Variants in SLCO6A1 observed in about 807,000 individuals in gnomAD.
The protein encoded by SLCO6A1 is solute carrier organic anion transporter family member 6A1, also known as cancer/testis antigen 48.
Under a neutral mutation model 72.7 loss-of-function variants are expected in SLCO6A1, and 65 were observed. That is an observed-to-expected ratio of 0.89 (90% confidence interval 0.73 to 1.10). The LOEUF is 1.10. SLCO6A1 is among the 50% of genes least tolerant of loss of function. The pLI is 0.00. For synonymous variants in SLCO6A1, 314 were observed against 298.2 expected, an observed-to-expected ratio of 1.05 and a Z score of -0.55; for missense variants, 874 against 872.6, an observed-to-expected ratio of 1.00 and a Z score of -0.02.
At chr5:102,407,248 C>A (rs1747722020) in intron 9 of SLCO6A1, among the ~76,000 whole-genome samples, 1 of 152,144 alleles carries the variant, frequency 6.6e-6, no homozygotes, top group Non-Finnish European at 1.5e-5. Context: ...CCCAGTTACC[C>A]CCTGCCCTTT....
At chr5:102,401,357 A>C (rs1747388489) in intron 9 of SLCO6A1, among the ~76,000 whole-genome samples, 3 of 152,152 alleles carry the variant, frequency 2.0e-5, no homozygotes, top group Admixed American at 2.0e-4. Context: ...TGGCAATTGC[A>C]AGAGCAATGT....
At position 102,380,088 on chromosome 5, in the gene SLCO6A1, T is replaced by C. The variant is rs143520482; in HGVS notation, c.2018-6594A>G. Among the ~76,000 whole-genome samples, 1,392 of 152,138 alleles carry C rather than the reference T, an allele frequency of 9.1e-3. 10 individuals are homozygous for C. The highest frequency in any genetic ancestry group is 0.024 in the Middle Eastern group (7 of 294). ...ATATTTAGCAACTTTGCTGAATTCA[T>C]TTATTAATTCTAATACATTGTGTTC... On this transcript the variant is annotated intron_variant, in intron 12 of 13. Transcript: ENST00000506729.
intron 1 of SLCO6A1, among the ~76,000 whole-genome samples, chr5:102,486,384 G>A (rs1188648225): frequency 6.6e-6 from 1 of 151,966 alleles, no homozygotes; most frequent in Non-Finnish European, 1.5e-5. Flanking sequence ...TTCAACAAAA[G>A]CTTCTAATAT....
At chr5:102,424,626 T>A (rs1358739684) in intron 7 of SLCO6A1, among the ~76,000 whole-genome samples, 1 of 152,026 alleles carries the variant, frequency 6.6e-6, no homozygotes, top group Non-Finnish European at 1.5e-5. Context: ...GAGGCAGTAA[T>A]TAGTAGGCTA....
chr5:102,440,320 T>C (rs1233311667), intron 6 of SLCO6A1, among the ~76,000 whole-genome samples: 1 of 152,124 alleles, frequency 6.6e-6, no homozygotes, highest in Non-Finnish European at 1.5e-5. Context: ...CTCTGCATCC[T>C]GTTAGATCAG....
At chr5:102,430,926 G>C (rs954923244) in intron 7 of SLCO6A1, among the ~76,000 whole-genome samples, 1 of 151,850 alleles carries the variant, frequency 6.6e-6, no homozygotes, top group African/African-American at 2.4e-5. Context: ...TCTAATCCTG[G>C]GCTTTTTTTG....
At chr5:102,463,127 T>C (rs942473368) in intron 4 of SLCO6A1, among the ~76,000 whole-genome samples, 2 of 115,158 alleles carry the variant, frequency 1.7e-5, no homozygotes, top group African/African-American at 6.7e-5. Flanking sequence ...TAGACAACTC[T>C]CAAAAGAAGA....
rs540816487 is a variant in SLCO6A1 at position 102,391,120 on chromosome 5, T to C, written c.1815-75A>G. On this transcript the variant is annotated intron_variant, in intron 10 of 13. Coordinates refer to ENST00000506729, the MANE Select transcript of SLCO6A1 (RefSeq NM_173488.5). ...TAAGAATGTATGCTAGATTCAAGGC[T>C]AATCATTTTTTTTTTCTGGTGCATC... 2.9e-5 allele frequency: 41 copies of C among 1,392,578 alleles called. No individual in the cohort carries two copies. The East Asian group carries it at 8.1e-4, about 27-fold the overall frequency. 86.3% of individuals were successfully genotyped at this position (1,392,578 alleles called of 1,614,324 possible).
chr5:102,423,367 T>G (rs539750644), intron 7 of SLCO6A1, among the ~76,000 whole-genome samples: 1 of 152,228 alleles, frequency 6.6e-6, no homozygotes, highest in South Asian at 2.1e-4. Flanking sequence ...CTGTGCTGTA[T>G]TCAGGAGACC....
At chr5:102,421,008 A>C (rs1748566102) in intron 7 of SLCO6A1, among the ~76,000 whole-genome samples, 1 of 152,130 alleles carries the variant, frequency 6.6e-6, no homozygotes, top group African/African-American at 2.4e-5. Flanking sequence ...CCCGAGAAGC[A>C]GAAGGGGCTG....
intron 1 of SLCO6A1, among the ~76,000 whole-genome samples, chr5:102,494,662 T>C (rs896151558): frequency 3.9e-5 from 6 of 152,138 alleles, no homozygotes; most frequent in African/African-American, 1.2e-4. Context: ...TTTGAGACAA[T>C]TGGTCATTGG....
At chr5:102,446,060 G>A (rs755137925) in intron 6 of SLCO6A1, among the ~76,000 whole-genome samples, 3 of 151,938 alleles carry the variant, frequency 2.0e-5, no homozygotes, top group Non-Finnish European at 4.4e-5. Context: ...TGTTGTTGAT[G>A]ATGTTCCAAA....
intron 6 of SLCO6A1, among the ~76,000 whole-genome samples, chr5:102,451,565 C>T (rs966197966): frequency 6.6e-6 from 1 of 152,162 alleles, no homozygotes; most frequent in African/African-American, 2.4e-5. Flanking sequence ...TCTGGAGGCC[C>T]TGGATGGAGT....
At chr5:102,379,773 C>CAAAAAA (rs10672287) in intron 12 of SLCO6A1, among the ~76,000 whole-genome samples, 35 of 141,016 alleles carry the variant, frequency 2.5e-4, no homozygotes, top group Non-Finnish European at 3.7e-4. Flanking sequence ...TTGTCAATTT[C>CAAAAAA]AAAAAAAAAA....
At chr5:102,382,232 C>T (rs1171866225) in intron 12 of SLCO6A1, among the ~76,000 whole-genome samples, 1 of 151,480 alleles carries the variant, frequency 6.6e-6, no homozygotes, top group Non-Finnish European at 1.5e-5. Context: ...TTTCTCTGTG[C>T]CATTTATTGA....
At chr5:102,492,035 G>A (rs1752707373) in intron 1 of SLCO6A1, among the ~76,000 whole-genome samples, 1 of 152,228 alleles carries the variant, frequency 6.6e-6, no homozygotes, top group Admixed American at 6.5e-5. Context: ...GAAGGAGGAA[G>A]AGAGTGAAGG....
intron 11 of SLCO6A1, among the ~76,000 whole-genome samples, chr5:102,390,557 G>A (rs1209786508): frequency 6.6e-6 from 1 of 152,034 alleles, no homozygotes; most frequent in East Asian, 1.9e-4. Flanking sequence ...ACATTTATTT[G>A]TTCTTAGAAA....
rs184081814 is a variant in SLCO6A1, at chr5:102,406,779, C to T, written c.1626+6211G>A. On this transcript the variant is annotated intron_variant, in intron 9 of 13. Transcript: ENST00000506729. Reference sequence around the variant, plus strand: ...ACATTAATACTAGAACTAAAAAATACAAGTGAAATTAGAACCTCAGAAAAT... The same window carrying T: ...ACATTAATACTAGAACTAAAAAATATAAGTGAAATTAGAACCTCAGAAAAT... 2.1e-3 allele frequency among the ~76,000 whole-genome samples: 317 copies of T among 152,024 alleles called. 3 individuals carry two copies. The highest frequency in any genetic ancestry group is 7.3e-3 in the African/African-American group (301 of 41,474).
Position 102,481,771 on chromosome 5 carries a change from C to G in SLCO6A1, c.359-1337G>C, listed in dbSNP as rs1752208215. On this transcript the variant is annotated intron_variant, in intron 1 of 13. Coordinates refer to ENST00000506729, the MANE Select transcript of SLCO6A1 (RefSeq NM_173488.5). ...CTTTCTCCCAAAAAAGAGAGGTACA[C>G]AGTCTAATCAATCACAATATCTATC... Among the ~76,000 whole-genome samples, 3 of 152,176 alleles carry G rather than the reference C, an allele frequency of 2.0e-5. No homozygotes were observed. In the South Asian group the frequency reaches 6.2e-4, roughly 31 times the overall value.
Sources: gnomAD v4.1 joint callset for allele counts (sites outside exome capture counted in the v4.1 genomes callset) on GRCh38, gnomAD v4.1.1 for gene constraint, MANE v1.5 for transcripts, NCBI Gene and HGNC (gene_info 2026-07-23, HGNC 2026-07-21) for gene names.